Variants in PARD3B observed in about 807,000 individuals in gnomAD.
PARD3B encodes par-3 family cell polarity regulator beta.
Under a neutral mutation model 130.2 loss-of-function variants are expected in PARD3B, and 103 were observed. The ratio of observed to expected loss-of-function variants is 0.79; its 90% CI spans 0.67 to 0.93. The LOEUF is 0.93. Ranked by LOEUF, PARD3B falls within the 40% of genes least tolerant of loss-of-function variation. PARD3B has a pLI of 0.00. For synonymous variants in PARD3B, 583 were observed against 553.2 expected (o/e 1.05, Z -0.76); for missense variants, 1,609 against 1,499.2 (o/e 1.07, Z -1.21).
chr2:205,283,748 A>G (rs367697142), intron 16 of PARD3B, among the ~76,000 whole-genome samples: 1 of 152,356 alleles, frequency 6.6e-6, no homozygotes. Flanking sequence ...TAACCTCTTA[A>G]TCATTTTTAA....
chr2:205,484,676 G>A (rs2049370221), intron 20 of PARD3B, among the ~76,000 whole-genome samples: 1 of 152,122 alleles, frequency 6.6e-6, no homozygotes, highest in South Asian at 2.1e-4. Context: ...GCATAGTGTT[G>A]ACGGAACATA....
intron 21 of PARD3B, among the ~76,000 whole-genome samples, chr2:205,509,736 G>T (rs529337873): frequency 6.6e-6 from 1 of 152,320 alleles, no homozygotes; most frequent in African/African-American, 2.4e-5. Flanking sequence ...CAGCGCTTCT[G>T]TTTCCACGTA....
chr2:205,035,776 T>C (rs962692533), intron 3 of PARD3B, among the ~76,000 whole-genome samples: 3 of 140,006 alleles, frequency 2.1e-5, no homozygotes, highest in Non-Finnish European at 4.6e-5. Flanking sequence ...TATATCTATC[T>C]ATCGGAGTCA....
At chr2:205,076,387 T>G (rs1701064381) in intron 4 of PARD3B, among the ~76,000 whole-genome samples, 1 of 152,252 alleles carries the variant, frequency 6.6e-6, no homozygotes. Flanking sequence ...GCATCACATC[T>G]GAGGAGACTG....
intron 2 of PARD3B, among the ~76,000 whole-genome samples, chr2:204,720,709 A>G (rs978500462): frequency 5.9e-5 from 9 of 152,114 alleles, no homozygotes; most frequent in African/African-American, 2.2e-4. Flanking sequence ...TGGTGTAAGA[A>G]CCTTAGTTGC....
intron 4 of PARD3B, among the ~76,000 whole-genome samples, chr2:205,086,930 G>T (rs542351555): frequency 6.6e-6 from 1 of 152,174 alleles, no homozygotes; most frequent in Admixed American, 6.6e-5. Context: ...ACATCGTAAA[G>T]CATGGTGTTG....
At chr2:204,651,295 T>TG (rs565037029) in intron 1 of PARD3B, among the ~76,000 whole-genome samples, 31 of 152,274 alleles carry the variant, frequency 2.0e-4, no homozygotes, top group Admixed American at 1.7e-3. Flanking sequence ...TCCAATACAA[T>TG]GGGGGTACAG....
rs1296824720 is a variant in PARD3B, at chr2:205,584,838, C to T, written c.3261-30618C>T. Among the ~76,000 whole-genome samples the T allele has an allele frequency of 3.3e-5, 5 of 152,152 alleles. No individual in the cohort carries two copies. The highest frequency in any genetic ancestry group is 1.2e-4 in the African/African-American group (5 of 41,428). On this transcript the variant is annotated intron_variant, in intron 22 of 22. Coordinates refer to ENST00000406610, the MANE Select transcript of PARD3B (RefSeq NM_001302769.2). This position sits in a 1 kb window ranked among gnomAD's most constrained non-coding sequence, Gnocchi z 5.5. ...GCTGAAAGTTTGAAGAGCTCATGTTCAGCCTGAGCCTTCTTTTTTGGAAAA... is the reference window on the plus strand; with the variant it reads ...GCTGAAAGTTTGAAGAGCTCATGTTTAGCCTGAGCCTTCTTTTTTGGAAAA...
At chr2:204,593,680 T>C (rs976852920) in intron 1 of PARD3B, among the ~76,000 whole-genome samples, 1 of 152,208 alleles carries the variant, frequency 6.6e-6, no homozygotes, top group Non-Finnish European at 1.5e-5. Context: ...AGAAATCTCA[T>C]TTGCCAGAAA....
intron 18 of PARD3B, among the ~76,000 whole-genome samples, chr2:205,346,163 C>G (rs1239284971): frequency 2.4e-5 from 3 of 127,550 alleles, no homozygotes; most frequent in South Asian, 3.0e-4. Context: ...CACAGTGAGA[C>G]TCCGTCTCAA....
chr2:204,949,327 C>CT (rs1340950704), intron 2 of PARD3B, among the ~76,000 whole-genome samples: 4 of 151,166 alleles, frequency 2.6e-5, no homozygotes, highest in East Asian at 1.9e-4. Context: ...TTTCTTTCTT[C>CT]TTTTTTTTGA....
chr2:205,356,174 G>A (rs1252362325), intron 18 of PARD3B, among the ~76,000 whole-genome samples: 3 of 152,062 alleles, frequency 2.0e-5, no homozygotes, highest in African/African-American at 7.2e-5. Context: ...TCTTCTTGCT[G>A]TACATCGATA....
At chr2:205,086,805 CA>C (rs1701768621) in intron 4 of PARD3B, among the ~76,000 whole-genome samples, 1 of 152,202 alleles carries the variant, frequency 6.6e-6, no homozygotes, top group African/African-American at 2.4e-5. Flanking sequence ...ATGAAGCCCA[CA>C]GGGGTGGGTG....
rs775073689 is a variant in PARD3B at position 205,011,024 on chromosome 2, C to G, written c.395-36557C>G. ...AAGGATCCCCTTAAAAAGCTGATTG[C>G]GGCTCTCTGGTGTATGGGGTTTAGT... On this transcript the variant is annotated intron_variant, in intron 3 of 22. Transcript: ENST00000406610. This position sits in a 1 kb window ranked among gnomAD's most constrained non-coding sequence, Gnocchi z 4.1. Among the ~76,000 whole-genome samples, 3 of 152,064 alleles carry G rather than the reference C, an allele frequency of 2.0e-5. No individual in the cohort carries two copies. Among genetic ancestry groups the G allele is most frequent in the Non-Finnish European group, 4.4e-5 (3 of 68,026 alleles).
chr2:204,740,631 C>T (rs2039969393), intron 2 of PARD3B, among the ~76,000 whole-genome samples: 1 of 152,110 alleles, frequency 6.6e-6, no homozygotes, highest in African/African-American at 2.4e-5. Flanking sequence ...CTGAAGGCTT[C>T]TTTACTCTTA....
intron 20 of PARD3B, among the ~76,000 whole-genome samples, chr2:205,483,966 A>G (rs2049341276): frequency 6.6e-6 from 1 of 152,182 alleles, no homozygotes; most frequent in South Asian, 2.1e-4. Context: ...GCCATTCCAC[A>G]TGTTCCTCGC....
At chr2:205,315,159 A>T (rs746549388) in intron 18 of PARD3B, among the ~76,000 whole-genome samples, 3 of 152,190 alleles carry the variant, frequency 2.0e-5, no homozygotes, top group Non-Finnish European at 4.4e-5. Flanking sequence ...TTTCCACACA[A>T]AAATGCAATG....
intron 2 of PARD3B, among the ~76,000 whole-genome samples, chr2:204,959,392 G>A (rs1690552258): frequency 6.6e-6 from 1 of 152,108 alleles, no homozygotes; most frequent in South Asian, 2.1e-4. Flanking sequence ...AGGGCATTTG[G>A]GTTGATTCCA....
chr2:205,349,546 T>G (rs2043916651), intron 18 of PARD3B, among the ~76,000 whole-genome samples: 1 of 152,174 alleles, frequency 6.6e-6, no homozygotes, highest in Admixed American at 6.6e-5. Context: ...AACACAGGGT[T>G]TCTTAAACTA....
Sources: gnomAD v4.1 joint callset for allele counts (sites outside exome capture counted in the v4.1 genomes callset) on GRCh38, gnomAD v4.1.1 for gene constraint, Gnocchi (gnomAD v3.1) non-coding constraint, MANE v1.5 for transcripts, NCBI Gene and HGNC (gene_info 2026-07-23, HGNC 2026-07-21) for gene names.